SLC1A3: variants seen among roughly 807,000 people sequenced by gnomAD.
The protein encoded by SLC1A3 is excitatory amino acid transporter 1.
SLC1A3 carries 21 observed loss-of-function variants against 48.1 expected under a neutral mutation model. That is an observed-to-expected ratio of 0.44 (90% CI 0.31 to 0.63). The LOEUF is 0.63. Ranked by LOEUF, SLC1A3 falls within the 20% of genes least tolerant of loss-of-function variation. The pLI, the probability that SLC1A3 is intolerant of heterozygous loss-of-function variation, is 0.08. For synonymous variants in SLC1A3, 239 were observed against 251.4 expected, an observed-to-expected ratio of 0.95 and a Z score of 0.47; for missense variants, 546 against 689.0, an observed-to-expected ratio of 0.79 and a Z score of 2.32.
chr5:36,647,175 G>T (rs1026905261), intron 3 of SLC1A3, among the ~76,000 whole-genome samples: 1 of 152,116 alleles, frequency 6.6e-6, no homozygotes, highest in Admixed American at 6.5e-5. Flanking sequence ...TATTGGAAAT[G>T]TGTGGTTCTT....
chr5:36,611,391 G>A, intron 2 of SLC1A3, among the ~76,000 whole-genome samples: 1 of 145,734 alleles, frequency 6.9e-6, no homozygotes, highest in East Asian at 2.0e-4. Context: ...ATGATTTAAT[G>A]TGTAGAAGTG....
At chr5:36,635,566 G>A (rs1304863732) in intron 3 of SLC1A3, among the ~76,000 whole-genome samples, 1 of 152,218 alleles carries the variant, frequency 6.6e-6, no homozygotes, top group Non-Finnish European at 1.5e-5. Flanking sequence ...CCTCATTACT[G>A]GAAGGGATAG....
chr5:36,611,512 AT>A (rs1488941196), intron 2 of SLC1A3, among the ~76,000 whole-genome samples: 1 of 152,212 alleles, frequency 6.6e-6, no homozygotes, highest in African/African-American at 2.4e-5. Flanking sequence ...GCATAGAACC[AT>A]TTGTACAATT....
At chr5:36,598,710 CT>C (rs1420991790) in intron 1 of SLC1A3, among the ~76,000 whole-genome samples, 1 of 152,178 alleles carries the variant, frequency 6.6e-6, no homozygotes, top group Admixed American at 6.5e-5. Flanking sequence ...CAGCCTTGAC[CT>C]CCCGGGCTCA....
intron 2 of SLC1A3, among the ~76,000 whole-genome samples, chr5:36,620,663 G>T (rs1333221917): frequency 6.6e-6 from 1 of 152,156 alleles, no homozygotes; most frequent in Admixed American, 6.5e-5. Flanking sequence ...CACCTACTGT[G>T]TGCCAGGAAC....
At chr5:36,633,718 C>A (rs1740223246) in intron 3 of SLC1A3, among the ~76,000 whole-genome samples, 1 of 152,176 alleles carries the variant, frequency 6.6e-6, no homozygotes, top group African/African-American at 2.4e-5. Flanking sequence ...GATTTCAAAT[C>A]TGATTTTCAT....
At chr5:36,640,284 T>C (rs1740562034) in intron 3 of SLC1A3, among the ~76,000 whole-genome samples, 1 of 152,228 alleles carries the variant, frequency 6.6e-6, no homozygotes, top group Non-Finnish European at 1.5e-5. Flanking sequence ...AAATTCATTT[T>C]ACCAGGCAAG....
At chr5:36,643,319 C>T (rs1740694856) in intron 3 of SLC1A3, among the ~76,000 whole-genome samples, 1 of 152,154 alleles carries the variant, frequency 6.6e-6, no homozygotes, top group Non-Finnish European at 1.5e-5. Flanking sequence ...ACCAACACTT[C>T]TTATTATCTG....
intron 8 of SLC1A3, 110 bp from the exon 9 acceptor site, chr5:36,683,754 T>A (rs1008335280): frequency 1.7e-6 from 2 of 1,204,818 alleles, no homozygotes; most frequent in Admixed American, 3.5e-5. Context: ...GCGCGTCCTC[T>A]TGTGTTACAT....
intron 4 of SLC1A3, 53 bp downstream of exon 4, chr5:36,671,286 C>G (rs1741986812): frequency 1.5e-6 from 2 of 1,294,908 alleles, no homozygotes; most frequent in Admixed American, 3.6e-5. Context: ...TCCAGACCCT[C>G]TTACTGGTTA....
intron 1 of SLC1A3, among the ~76,000 whole-genome samples, chr5:36,601,048 C>CA (rs906810548): frequency 4.6e-5 from 7 of 152,084 alleles, no homozygotes; most frequent in Non-Finnish European, 5.9e-5. Context: ...GACCTCCTGC[C>CA]AAAAAAATGT....
Position 36,608,381 on chromosome 5 carries a change from G to C in SLC1A3, c.-43G>C, listed in dbSNP as rs772029954. The C allele has an allele frequency of 9.4e-6, 15 of 1,599,128 alleles. No individual in the cohort carries two copies. The highest frequency in any genetic ancestry group is 1.1e-5 in the Non-Finnish European group (13 of 1,167,852). On this transcript the variant is annotated 5_prime_UTR_variant, in exon 2 of 10. Coordinates refer to ENST00000265113, the MANE Select transcript of SLC1A3 (RefSeq NM_004172.5). Reference sequence around the variant, plus strand: ...TTTGGCTTTCTGTGGGTGATTCCCAGACACTGAAGTGCAAAGAAGAGACCC... The same window carrying C: ...TTTGGCTTTCTGTGGGTGATTCCCACACACTGAAGTGCAAAGAAGAGACCC...
intron 1 of SLC1A3, among the ~76,000 whole-genome samples, chr5:36,607,528 A>G (rs1030994104): frequency 5.3e-5 from 8 of 152,254 alleles, no homozygotes; most frequent in African/African-American, 1.9e-4. Flanking sequence ...CATCTGTTCT[A>G]GAAATCCTAA....
chr5:36,668,042 C>T (rs1741830298), intron 3 of SLC1A3: 1 of 152,258 alleles, frequency 6.6e-6, no homozygotes, highest in Non-Finnish European at 1.5e-5. Context: ...CCCGTCTCCC[C>T]ATCACCCCAG....
Position 36,686,199 on chromosome 5 carries a change from A to G in SLC1A3, c.1559A>G (p.Lys520Arg). The stretch of plus-strand genomic sequence containing the variant: ...TCAGTGATTGAAGAGAATGAAATGA[A>G]GAAACCATATCAACTGATTGCACAG... ...GNSVIEENEM[K>R]KPYQLIAQDN... is the part of the protein sequence containing the mutation. Residue 520 changes from lysine (K) to arginine (R), a missense_variant, in exon 10 of 10, where the codon AAG becomes AGG. Physicochemically the swap from Lys to Arg is conservative, Grantham distance 26. This residue lies in a region of SLC1A3 where 56 missense variants were observed against 59.0 expected (regional missense o/e 0.95). Coordinates refer to ENST00000265113, the MANE Select transcript of SLC1A3 (RefSeq NM_004172.5). 1 of 1,614,186 alleles carries G rather than the reference A, an allele frequency of 6.2e-7. No homozygotes were observed.
chr5:36,651,931 T>G (rs1009742006), intron 3 of SLC1A3, among the ~76,000 whole-genome samples: 2 of 152,152 alleles, frequency 1.3e-5, no homozygotes, highest in Non-Finnish European at 2.9e-5. Context: ...AGTTCCAAGG[T>G]CCTGAAAGTA....
intron 1 of SLC1A3, among the ~76,000 whole-genome samples, chr5:36,596,746 T>A (rs6451302): frequency 0.21 from 31,281 of 152,128 alleles, 3,303 homozygotes; most frequent in African/African-American, 0.27. Flanking sequence ...CCTAATAAAA[T>A]TATTCACTCT....
rs1740037147 is a variant in SLC1A3 at position 36,629,374 on chromosome 5, C to T, written c.182-76C>T. The T allele has an allele frequency of 3.1e-6, 4 of 1,280,846 alleles. No homozygotes were observed. In the South Asian group the frequency reaches 5.1e-5, roughly 16 times the overall value. 79.3% of individuals were successfully genotyped at this position (1,280,846 alleles called of 1,614,324 possible). On this transcript the variant is annotated intron_variant, in intron 2 of 9. Transcript: ENST00000265113. ...TACAACCACCAGCCAAATACTTACT[C>T]ATTTTGCTAGGGCTGTTCCTTCTGT...
At chr5:36,628,438 T>C (rs1479106647) in intron 2 of SLC1A3, among the ~76,000 whole-genome samples, 3 of 152,130 alleles carry the variant, frequency 2.0e-5, no homozygotes, top group Admixed American at 2.0e-4. Context: ...AGCCTTTAGC[T>C]CCTAGTTAAC....
Sources: gnomAD v4.1 joint callset for allele counts (sites outside exome capture counted in the v4.1 genomes callset) on GRCh38, gnomAD v4.1.1 for gene constraint, gnomAD v4.1.1 regional missense constraint, MANE v1.5 for transcripts, NCBI Gene and HGNC (gene_info 2026-07-23, HGNC 2026-07-21) for gene names.